LRP1B: variants seen among roughly 807,000 people sequenced by gnomAD.
LRP1B encodes LDL receptor related protein 1B.
A neutral mutation model predicts 556.6 loss-of-function variants in LRP1B; 217 were observed. That is an observed-to-expected ratio of 0.39 (90% CI 0.35 to 0.44). The LOEUF is 0.44. Ranked by LOEUF, LRP1B falls within the 20% of genes least tolerant of loss-of-function variation. LRP1B has a pLI of 1.00. For missense variants in LRP1B, 5,053 were observed against 5,620.8 expected (o/e 0.90, Z 3.23); for synonymous variants, 2,047 against 1,865.8 (o/e 1.10, Z -2.50).
At chr2:140,505,077 A>G (rs926244872) in intron 53 of LRP1B, among the ~76,000 whole-genome samples, 2 of 152,218 alleles carry the variant, frequency 1.3e-5, no homozygotes, top group African/African-American at 4.8e-5. Flanking sequence ...ACCTAACAGA[A>G]GACTAATTGC....
At chr2:141,890,736 T>A (rs1332595736) in intron 1 of LRP1B, among the ~76,000 whole-genome samples, 3 of 152,262 alleles carry the variant, frequency 2.0e-5, no homozygotes, top group Admixed American at 6.6e-5. Flanking sequence ...CATATTGACC[T>A]TCTAAGTATC....
At chr2:141,188,380 C>T (rs1249434) in intron 7 of LRP1B, 41 bp downstream of exon 7, 1,580,184 of 1,580,690 alleles carry the variant, frequency 1, 789,840 homozygotes, top group Middle Eastern at 1. Flanking sequence ...TCTTTTTAAA[C>T]GCAAACTTTT....
intron 31 of LRP1B, among the ~76,000 whole-genome samples, chr2:140,823,005 G>C (rs1489344031): frequency 6.6e-6 from 1 of 152,156 alleles, no homozygotes; most frequent in African/African-American, 2.4e-5. Context: ...TGCTTAAAAA[G>C]TAGTCACTAT....
chr2:141,567,690 G>C (rs1686381274), intron 2 of LRP1B, among the ~76,000 whole-genome samples: 1 of 151,750 alleles, frequency 6.6e-6, no homozygotes, highest in South Asian at 2.1e-4. Context: ...ATTACATTAG[G>C]TATGTGGGAA....
intron 18 of LRP1B, among the ~76,000 whole-genome samples, chr2:140,952,537 C>A (rs1244448097): frequency 1.1e-4 from 16 of 150,194 alleles, no homozygotes; most frequent in Admixed American, 9.3e-4. Flanking sequence ...AAACAAAAAA[C>A]CGAAAAAAAA....
intron 1 of LRP1B, among the ~76,000 whole-genome samples, chr2:142,026,564 T>A (rs374865899): frequency 2.0e-5 from 3 of 152,074 alleles, no homozygotes; most frequent in African/African-American, 7.2e-5. Context: ...ATAAACCATA[T>A]CCAATTAGGT....
At chr2:140,469,807 C>T (rs1466374510) in intron 60 of LRP1B, among the ~76,000 whole-genome samples, 1 of 152,156 alleles carries the variant, frequency 6.6e-6, no homozygotes, top group Non-Finnish European at 1.5e-5. Flanking sequence ...AGAAAGCAGT[C>T]CCTGGAATTA....
chr2:141,197,213 G>A (rs80284414), intron 6 of LRP1B, among the ~76,000 whole-genome samples: 1 of 152,080 alleles, frequency 6.6e-6, no homozygotes, highest in Admixed American at 6.6e-5. Flanking sequence ...TGTTGGGGTT[G>A]TATTAGGGAA....
At chr2:140,292,123 A>G (rs959143801) in intron 84 of LRP1B, among the ~76,000 whole-genome samples, 1 of 152,144 alleles carries the variant, frequency 6.6e-6, no homozygotes, top group Non-Finnish European at 1.5e-5. Flanking sequence ...CCTAGTTTTC[A>G]GAGTCAGATC....
intron 41 of LRP1B, among the ~76,000 whole-genome samples, chr2:140,656,594 G>A (rs773492790): frequency 6.6e-6 from 1 of 151,830 alleles, no homozygotes; most frequent in African/African-American, 2.4e-5. Flanking sequence ...TTGCTTTGTC[G>A]AAACTACTGC....
intron 35 of LRP1B, among the ~76,000 whole-genome samples, chr2:140,744,807 T>C (rs1334463243): frequency 2.6e-5 from 4 of 152,288 alleles, no homozygotes; most frequent in South Asian, 2.1e-4. Context: ...GAGAAGCTTG[T>C]TTGTTTGTTA....
rs139830962 is a variant in LRP1B, at chr2:140,411,423, A to G, written c.10415-25414T>C. On this transcript the variant is annotated intron_variant, in intron 66 of 90. Coordinates refer to ENST00000389484, the MANE Select transcript of LRP1B (RefSeq NM_018557.3). ...TTAGATGGCAAATTTTCAAATATAT[A>G]TACTCCATTGGTATTGTTACATAAA... 6.6e-3 allele frequency among the ~76,000 whole-genome samples: 1,010 copies of G among 152,244 alleles called. 10 individuals carry two copies. Among genetic ancestry groups the G allele is most frequent in the Middle Eastern group, 0.01 (3 of 294 alleles).
intron 2 of LRP1B, among the ~76,000 whole-genome samples, chr2:141,509,208 C>T (rs545481809): frequency 1.3e-5 from 2 of 152,214 alleles, no homozygotes; most frequent in South Asian, 2.1e-4. Flanking sequence ...GATATGCAAA[C>T]TTGAAACAGC....
chr2:140,484,173 T>G (rs985352197), intron 59 of LRP1B, among the ~76,000 whole-genome samples: 1 of 152,100 alleles, frequency 6.6e-6, no homozygotes, highest in African/African-American at 2.4e-5. Context: ...GATTACATAA[T>G]TATATAGTGA....
chr2:141,141,376 CAATT>C (rs1701648744), intron 7 of LRP1B, among the ~76,000 whole-genome samples: 1 of 151,868 alleles, frequency 6.6e-6, no homozygotes, highest in East Asian at 1.9e-4. Context: ...TGTGTCAAAT[CAATT>C]GTTTCCGTAA....
At chr2:141,726,045 TA>T (rs199549664) in intron 2 of LRP1B, among the ~76,000 whole-genome samples, 1,774 of 151,804 alleles carry the variant, frequency 0.012, 18 homozygotes, top group South Asian at 0.023. Flanking sequence ...AAATTTATTA[TA>T]AAAAATGTGA....
chr2:140,306,336 T>G (rs972026706), intron 83 of LRP1B, among the ~76,000 whole-genome samples: 3 of 152,070 alleles, frequency 2.0e-5, no homozygotes, highest in African/African-American at 7.2e-5. Context: ...TCAGAGCCTG[T>G]TATTGGTCTA....
intron 2 of LRP1B, among the ~76,000 whole-genome samples, chr2:141,724,914 T>G (rs1221759306): frequency 6.6e-6 from 1 of 152,016 alleles, no homozygotes; most frequent in African/African-American, 2.4e-5. Flanking sequence ...TAAAACTTAC[T>G]AAGTAATTTT....
intron 2 of LRP1B, among the ~76,000 whole-genome samples, chr2:141,505,418 C>G (rs533253701): frequency 2.0e-5 from 3 of 152,040 alleles, no homozygotes; most frequent in Non-Finnish European, 2.9e-5. Context: ...ATTGCTGTAA[C>G]AGTATGTATA....
Sources: gnomAD v4.1 joint callset for allele counts (sites outside exome capture counted in the v4.1 genomes callset) on GRCh38, gnomAD v4.1.1 for gene constraint, MANE v1.5 for transcripts, NCBI Gene and HGNC (gene_info 2026-07-23, HGNC 2026-07-21) for gene names.